The following GGT5 variants were observed in gnomAD, a reference collection of about 807,000 sequenced individuals.
The protein encoded by GGT5 is glutathione hydrolase 5 proenzyme.
Under a neutral mutation model 58.1 loss-of-function variants are expected in GGT5, and 50 were observed. The ratio of observed to expected loss-of-function variants is 0.86; its 90% CI spans 0.69 to 1.09. The LOEUF (loss-of-function observed/expected upper bound fraction) is 1.09. Ranked by LOEUF, GGT5 falls within the 50% of genes least tolerant of loss-of-function variation. The pLI is 0.00. For missense variants in GGT5, 800 were observed against 789.4 expected, an observed-to-expected ratio of 1.01 and a Z score of -0.16; for synonymous variants, 370 against 346.1, an observed-to-expected ratio of 1.07 and a Z score of -0.77.
chr22:24,227,309 C>G (rs1286983712), intron 6 of GGT5, among the ~76,000 whole-genome samples: 1 of 149,152 alleles, frequency 6.7e-6, no homozygotes, highest in Middle Eastern at 3.4e-3. Flanking sequence ...GTGTGTGGCA[C>G]GATCTCAGCT....
chr22:24,231,341 C>CGGGGGCGGGGGGGGG (rs1569361891), intron 6 of GGT5, 43 bp downstream of exon 6: 6 of 1,046,948 alleles, frequency 5.7e-6, no homozygotes, highest in African/African-American at 5.2e-5. Context: ...GCCGGGGGTG[C>CGGGGGCGGGGGGGGG]GGGGGAGGGG....
At chr22:24,243,141 AT>A (rs1314552006) in intron 1 of GGT5, 1 of 152,294 alleles carries the variant, frequency 6.6e-6, no homozygotes, top group Non-Finnish European at 1.5e-5. Flanking sequence ...CAAAGGCCAC[AT>A]GCCCACGGGT....
chr22:24,228,397 C>A (rs79238996), intron 6 of GGT5, among the ~76,000 whole-genome samples: 2 of 151,422 alleles, frequency 1.3e-5, no homozygotes, highest in East Asian at 3.9e-4. Context: ...CTGTCCAGTG[C>A]CACCCTTATC....
chr22:24,232,415 G>A (rs934139843), intron 4 of GGT5, among the ~76,000 whole-genome samples: 3 of 152,172 alleles, frequency 2.0e-5, no homozygotes, highest in Non-Finnish European at 4.4e-5. Context: ...CCCTGGTCCA[G>A]GGAAGGCAAA....
Position 24,243,716 on chromosome 22 carries a change from C to T in GGT5, c.173+837G>A, listed in dbSNP as rs555329390. The stretch of plus-strand genomic sequence containing the variant: ...CTGCAGCAGCAGCAGCGGAGGCCTC[C>T]CTTGGGCTGGGCTTCCTGGAAGAGG... On this transcript the variant is annotated intron_variant, in intron 1 of 11. Coordinates refer to ENST00000327365, the MANE Select transcript of GGT5 (RefSeq NM_004121.5). 5 of 152,512 alleles carry T rather than the reference C, an allele frequency of 3.3e-5. No homozygotes were observed. The East Asian group carries it at 7.7e-4, about 23-fold the overall frequency. 9.4% of individuals were successfully genotyped at this position (152,512 alleles called of 1,614,324 possible).
At chr22:24,236,721 C>A (rs1440633874) in intron 1 of GGT5, among the ~76,000 whole-genome samples, 1 of 150,682 alleles carries the variant, frequency 6.6e-6, no homozygotes, top group Non-Finnish European at 1.5e-5. Context: ...CAAGGTTGTA[C>A]CACTGCACTC....
At chr22:24,244,388 T>TCACATACACTCACACACACC in intron 1 of GGT5, 165 bp downstream of exon 1, 1 of 640,400 alleles carries the variant, frequency 1.6e-6, no homozygotes, top group Non-Finnish European at 2.8e-6. Context: ...ACACTCACAC[T>TCACATACACTCACACACACC]CACATACACT....
chr22:24,237,551 G>A (rs530839875), intron 1 of GGT5, among the ~76,000 whole-genome samples: 56 of 152,050 alleles, frequency 3.7e-4, no homozygotes, highest in Non-Finnish European at 7.2e-4. Flanking sequence ...TGGGATTACA[G>A]CCACCAGCCA....
intron 1 of GGT5, chr22:24,243,625 C>T (rs1365894571): frequency 3.9e-5 from 6 of 152,458 alleles, no homozygotes; most frequent in Admixed American, 3.3e-4. Flanking sequence ...GGAGGGGAGG[C>T]TTGCCCTGGC....
chr22:24,241,436 T>C (rs1229410448), intron 1 of GGT5: 1 of 152,208 alleles, frequency 6.6e-6, no homozygotes, highest in Non-Finnish European at 1.5e-5. Context: ...AGGGTTTGTG[T>C]GTTATAGTGT....
intron 1 of GGT5, among the ~76,000 whole-genome samples, chr22:24,234,348 A>G (rs2048038165): frequency 6.6e-6 from 1 of 152,166 alleles, no homozygotes; most frequent in Non-Finnish European, 1.5e-5. Context: ...AGTCCCTCAC[A>G]GTGGCCTCAG....
rs747766460 is a variant in GGT5, at chr22:24,226,205, C to A, written c.1100G>T (p.Gly367Val). The A allele has an allele frequency of 6.2e-7, 1 of 1,609,896 alleles. No individual in the cohort carries two copies. The highest frequency in any genetic ancestry group is 8.5e-7 in the Non-Finnish European group (1 of 1,179,878). ...LAQLIRQQID[G>V]RGDHQLSHYS... The stretch of plus-strand genomic sequence containing the variant: ...GTGGCTGAGCTGGTGGTCCCCCCGG[C>A]CATCGATCTGTTGGCGGATGAGCTG... The change falls in exon 8 of 12, where the codon GGC becomes GTC. Residue 367 changes from glycine (G) to valine (V), a missense_variant. Transcript: ENST00000327365.
In GGT5 at chr22:24,245,078, T is replaced by C. The variant is rs2048438511; in HGVS notation, c.-353A>G. 4.0e-6 allele frequency: 1 copy of C among 251,640 alleles called. No homozygotes were observed. The highest frequency in any genetic ancestry group is 7.7e-6 in the Non-Finnish European group (1 of 130,602). The allele number at this position is 251,640 out of a possible 1,614,324, so 15.6% of individuals were successfully genotyped here. A position where few individuals can be genotyped will look rare whatever the true frequency, so the allele number is the denominator to read the frequency against. On this transcript the variant is annotated 5_prime_UTR_variant, in exon 1 of 12. Coordinates refer to ENST00000327365, the MANE Select transcript of GGT5 (RefSeq NM_004121.5). ...CCCTCACCAAGTGCACACTACGGAG[T>C]GGCCAAACTCACGCCTCAACTTCTG...
intron 1 of GGT5, among the ~76,000 whole-genome samples, chr22:24,236,116 T>C (rs1426598414): frequency 6.6e-6 from 1 of 152,220 alleles, no homozygotes; most frequent in Non-Finnish European, 1.5e-5. Flanking sequence ...TACCCAGCTA[T>C]GCACAAGGTA....
chr22:24,230,059 C>T (rs2047892764), intron 6 of GGT5, among the ~76,000 whole-genome samples: 1 of 151,548 alleles, frequency 6.6e-6, no homozygotes, highest in South Asian at 2.1e-4. Context: ...ATGGTAAAAC[C>T]CCGTCTCTAC....
At chr22:24,227,029 A>G (rs1398095098) in intron 6 of GGT5, among the ~76,000 whole-genome samples, 2 of 147,798 alleles carry the variant, frequency 1.4e-5, no homozygotes, top group Admixed American at 6.9e-5. Context: ...GCTCACTGCA[A>G]TCTCTGCCTC....
At chr22:24,224,869 G>A (rs752076870) in intron 11 of GGT5, 127 bp downstream of exon 11, 47 of 662,130 alleles carry the variant, frequency 7.1e-5, no homozygotes, top group Non-Finnish European at 1.1e-4. Context: ...AACTCCTATG[G>A]CCCCCAAAGT....
intron 1 of GGT5, among the ~76,000 whole-genome samples, chr22:24,238,925 AATATATAT>A (rs561483063): frequency 0.013 from 262 of 20,864 alleles, 41 homozygotes; most frequent in Middle Eastern, 0.038. Context: ...TTATATATAT[AATATATAT>A]TATATAATAT....
chr22:24,237,084 T>A (rs1172559573), intron 1 of GGT5, among the ~76,000 whole-genome samples: 1 of 151,558 alleles, frequency 6.6e-6, no homozygotes, highest in Non-Finnish European at 1.5e-5. Flanking sequence ...CCGCAATTAC[T>A]TTTGTACCAA....
Sources: gnomAD v4.1 joint callset for allele counts (sites outside exome capture counted in the v4.1 genomes callset) on GRCh38, gnomAD v4.1.1 for gene constraint, MANE v1.5 for transcripts, NCBI Gene and HGNC (gene_info 2026-07-23, HGNC 2026-07-21) for gene names.